The following KIF16B variants were observed in gnomAD, a reference collection of about 807,000 sequenced individuals.
The protein encoded by KIF16B is kinesin-like protein KIF16B.
In KIF16B, 98 loss-of-function variants were observed where a neutral mutation model predicts 156.3. The ratio of observed to expected loss-of-function variants is 0.63; its 90% CI spans 0.53 to 0.74. KIF16B has a LOEUF of 0.74. Among genes scored for constraint, KIF16B ranks in the 30% least tolerant of loss-of-function variants. The pLI is 0.00. For synonymous variants in KIF16B, 564 were observed against 583.7 expected, an observed-to-expected ratio of 0.97 and a Z score of 0.49; for missense variants, 1,421 against 1,606.5, an observed-to-expected ratio of 0.88 and a Z score of 1.97.
intron 23 of KIF16B, among the ~76,000 whole-genome samples, chr20:16,348,217 G>A (rs1010622868): frequency 3.3e-5 from 5 of 152,084 alleles, no homozygotes; most frequent in Admixed American, 1.3e-4. Context: ...TTATCTCTAG[G>A]GCAATACTAA....
intron 12 of KIF16B, among the ~76,000 whole-genome samples, chr20:16,434,506 T>TC (rs869248215): frequency 0.036 from 29 of 804 alleles, no homozygotes; most frequent in Non-Finnish European, 0.044. Flanking sequence ...CAAAAATCTA[T>TC]TTTTTCCCCC....
At chr20:16,293,701 G>C (rs182661768) in intron 25 of KIF16B, among the ~76,000 whole-genome samples, 4 of 152,262 alleles carry the variant, frequency 2.6e-5, no homozygotes, top group Non-Finnish European at 5.9e-5. Context: ...CAGGCAAGAG[G>C]GTTCCAGGGG....
At chr20:16,335,219 G>C (rs2064014704) in intron 24 of KIF16B, among the ~76,000 whole-genome samples, 1 of 152,180 alleles carries the variant, frequency 6.6e-6, no homozygotes, top group African/African-American at 2.4e-5. Flanking sequence ...AAAATTCCCA[G>C]AAAGCTGGAC....
chr20:16,526,284 G>A, intron 2 of KIF16B, 79 bp from the exon 3 acceptor site: 2 of 636,366 alleles, frequency 3.1e-6, no homozygotes, highest in South Asian at 3.1e-5. Context: ...TTTATACCCT[G>A]ACTAAAAACC....
intron 12 of KIF16B, among the ~76,000 whole-genome samples, chr20:16,460,009 T>A (rs2067305261): frequency 6.6e-6 from 1 of 152,108 alleles, no homozygotes; most frequent in African/African-American, 2.4e-5. Context: ...AAATAAGGAG[T>A]ATTACTGTGG....
chr20:16,528,270 G>T, intron 2 of KIF16B, 101 bp downstream of exon 2: 1 of 861,624 alleles, frequency 1.2e-6, no homozygotes, highest in Non-Finnish European at 1.9e-6. Flanking sequence ...GGAAAGGAGG[G>T]TGTGGAAACA....
At chr20:16,529,380 G>A (rs572724717) in intron 1 of KIF16B, among the ~76,000 whole-genome samples, 2 of 152,318 alleles carry the variant, frequency 1.3e-5, no homozygotes, top group Admixed American at 1.3e-4. Context: ...ATCTAGCTGT[G>A]TACCACAAAG....
intron 1 of KIF16B, among the ~76,000 whole-genome samples, chr20:16,560,928 C>T (rs62196305): frequency 0.025 from 3,846 of 152,212 alleles, 58 homozygotes; most frequent in Middle Eastern, 0.071. Flanking sequence ...TTCACTTCAT[C>T]AGTGTTTTTT....
At chr20:16,445,773 G>A (rs965445275) in intron 12 of KIF16B, among the ~76,000 whole-genome samples, 3 of 152,166 alleles carry the variant, frequency 2.0e-5, no homozygotes, top group Admixed American at 1.3e-4. Flanking sequence ...CCATTCCAGA[G>A]TAAGTGCCAA....
intron 15 of KIF16B, among the ~76,000 whole-genome samples, chr20:16,415,781 C>T (rs2146341147): frequency 6.6e-6 from 1 of 152,226 alleles, no homozygotes; most frequent in Admixed American, 6.5e-5. Flanking sequence ...ACTTTGGGTA[C>T]ATTCCCCCTT....
chr20:16,273,890 A>G (rs755812913), intron 25 of KIF16B, among the ~76,000 whole-genome samples: 3 of 152,180 alleles, frequency 2.0e-5, no homozygotes, highest in Admixed American at 1.3e-4. Flanking sequence ...CAGAAGAAAT[A>G]TCTTTGGCTC....
chr20:16,301,760 C>A (rs1446223660), intron 25 of KIF16B, among the ~76,000 whole-genome samples: 1 of 152,116 alleles, frequency 6.6e-6, no homozygotes, highest in African/African-American at 2.4e-5. Flanking sequence ...AGCAACTCTC[C>A]TGCCTCAGCC....
intron 10 of KIF16B, among the ~76,000 whole-genome samples, chr20:16,503,917 G>A (rs753693501): frequency 1.2e-4 from 19 of 152,136 alleles, no homozygotes; most frequent in South Asian, 2.1e-4. Flanking sequence ...TACATGTGTC[G>A]CGGGGCCACC....
Position 16,406,376 on chromosome 20 carries a change from T to C in KIF16B, c.1693A>G (p.Lys565Glu). 1 of 1,613,298 alleles carries C rather than the reference T, an allele frequency of 6.2e-7. No individual in the cohort carries two copies. Among genetic ancestry groups the C allele is most frequent in the Non-Finnish European group, 8.5e-7 (1 of 1,179,444 alleles). ...KEAAKLREKR[K>E]SGLLSSFSLS... ...CCTAGAGACGCCGTGTCCCTCACCT[T>C]CCTCTTCTCCCTGAGCTTGGCGGCT... is the stretch of plus-strand genomic sequence containing the variant. Residue 565 changes from lysine (K) to glutamate (E), a missense_variant and splice_region_variant, in exon 16 of 26, where the codon AAG (lysine) becomes GAG (glutamate). By Grantham distance (56) the Lys-to-Glu change is moderately conservative (BLOSUM62 1). Coordinates refer to ENST00000354981, the MANE Select transcript of KIF16B (RefSeq NM_024704.5).
chr20:16,407,341 T>A (rs74518280), intron 15 of KIF16B, among the ~76,000 whole-genome samples: 2,632 of 152,180 alleles, frequency 0.017, 83 homozygotes, highest in African/African-American at 0.061. Context: ...ACGTGTATGG[T>A]CCCATCCACG....
At chr20:16,396,187 C>T (rs889341276) in intron 17 of KIF16B, among the ~76,000 whole-genome samples, 2 of 152,194 alleles carry the variant, frequency 1.3e-5, no homozygotes, top group South Asian at 4.2e-4. Flanking sequence ...GAGCGCAAAC[C>T]CTATCATGAA....
At chr20:16,523,170 G>T (rs2069412831) in intron 3 of KIF16B, among the ~76,000 whole-genome samples, 1 of 152,156 alleles carries the variant, frequency 6.6e-6, no homozygotes, top group Admixed American at 6.5e-5. Flanking sequence ...CACAGTGTTG[G>T]AAATTCTGGC....
chr20:16,551,908 T>C (rs1006055408), intron 1 of KIF16B, among the ~76,000 whole-genome samples: 2 of 152,114 alleles, frequency 1.3e-5, no homozygotes, highest in African/African-American at 4.8e-5. Context: ...GTTACACCTC[T>C]AATTTAGACA....
intron 25 of KIF16B, among the ~76,000 whole-genome samples, chr20:16,300,934 T>C (rs941328902): frequency 1.3e-5 from 2 of 152,224 alleles, no homozygotes; most frequent in East Asian, 1.9e-4. Context: ...TCTACCATTA[T>C]ATATCATACA....
Sources: allele counts gnomAD v4.1 joint callset (sites outside exome capture counted in the v4.1 genomes callset), GRCh38; gene constraint gnomAD v4.1.1; transcripts MANE v1.5; gene names NCBI Gene and HGNC (gene_info 2026-07-23, HGNC 2026-07-21).